CSMD1: variants seen among roughly 807,000 people sequenced by gnomAD.
CSMD1 encodes the protein CUB and Sushi multiple domains 1, also known as CUB and sushi domain-containing protein 1.
Under a neutral mutation model 417.5 loss-of-function variants are expected in CSMD1, and 213 were observed. That is an observed-to-expected ratio of 0.51 (90% CI 0.46 to 0.57). CSMD1 has a LOEUF of 0.57. Ranked by LOEUF, CSMD1 falls within the 20% of genes least tolerant of loss-of-function variation. The pLI is 0.00. For synonymous variants in CSMD1, 2,862 were observed against 1,736.8 expected, an observed-to-expected ratio of 1.65 and a Z score of -16.11; for missense variants, 6,923 against 4,529.7, an observed-to-expected ratio of 1.53 and a Z score of -15.17.
intron 12 of CSMD1, among the ~76,000 whole-genome samples, chr8:3,439,305 A>ATTT (rs1254998951): frequency 2.4e-5 from 1 of 41,200 alleles, no homozygotes; most frequent in East Asian, 9.7e-4. Flanking sequence ...ATATATATAT[A>ATTT]TATATTTTTT....
At position 4,873,595 on chromosome 8, in the gene CSMD1, C is replaced by T. The variant is rs186896024; in HGVS notation, c.85+120737G>A. 2.8e-3 allele frequency among the ~76,000 whole-genome samples: 430 copies of T among 152,158 alleles called. 2 individuals are homozygous for T. Among genetic ancestry groups the T allele is most frequent in the Admixed American group, 4.8e-3 (74 of 15,290 alleles). Reference sequence around the variant, plus strand: ...TGACAAGAAACAATTCAACTTTTTTCAAGGCTAGAAATCTAATTAAGCAAT... The same window carrying T: ...TGACAAGAAACAATTCAACTTTTTTTAAGGCTAGAAATCTAATTAAGCAAT... On this transcript the variant is annotated intron_variant, in intron 1 of 69. Transcript: ENST00000635120.
chr8:4,217,706 T>G (rs1800767016), intron 3 of CSMD1, among the ~76,000 whole-genome samples: 1 of 152,104 alleles, frequency 6.6e-6, no homozygotes, highest in African/African-American at 2.4e-5. Context: ...ATTTAAAGTT[T>G]TAGGAAATAC....
intron 3 of CSMD1, among the ~76,000 whole-genome samples, chr8:4,192,778 ATT>A (rs1161473798): frequency 6.6e-6 from 1 of 152,104 alleles, no homozygotes; most frequent in Non-Finnish European, 1.5e-5. Flanking sequence ...AAGAATTTCC[ATT>A]TGTTTCAGGC....
chr8:3,777,205 T>C (rs973472315), intron 5 of CSMD1, among the ~76,000 whole-genome samples: 1 of 151,890 alleles, frequency 6.6e-6, no homozygotes, highest in Non-Finnish European at 1.5e-5. Context: ...ATATTATGTT[T>C]AAAATCTGCC....
intron 41 of CSMD1, among the ~76,000 whole-genome samples, chr8:3,119,384 TAA>T (rs34060531): frequency 3.2e-4 from 28 of 88,270 alleles, no homozygotes; most frequent in African/African-American, 9.8e-4. Flanking sequence ...AGTCTTTTTC[TAA>T]AAAAAAAAAA....
At chr8:3,996,110 A>G (rs1055431998) in intron 5 of CSMD1, among the ~76,000 whole-genome samples, 1 of 152,192 alleles carries the variant, frequency 6.6e-6, no homozygotes, top group South Asian at 2.1e-4. Flanking sequence ...ATTTTCTGAC[A>G]CAAACTAAGT....
chr8:4,375,961 C>T (rs754891937), intron 3 of CSMD1, among the ~76,000 whole-genome samples: 1 of 152,154 alleles, frequency 6.6e-6, no homozygotes, highest in African/African-American at 2.4e-5. Context: ...ACCTCCAGGC[C>T]TTGCCAATGC....
intron 12 of CSMD1, among the ~76,000 whole-genome samples, chr8:3,459,188 G>C (rs907072708): frequency 6.6e-6 from 1 of 152,238 alleles, no homozygotes; most frequent in Non-Finnish European, 1.5e-5. Flanking sequence ...GAAATTCAGT[G>C]ACTTGCTCTG....
intron 1 of CSMD1, among the ~76,000 whole-genome samples, chr8:4,678,316 C>T (rs569661051): frequency 6.6e-6 from 1 of 151,878 alleles, no homozygotes; most frequent in Non-Finnish European, 1.5e-5. Flanking sequence ...GAGGGTGAGG[C>T]ATGAGAATAA....
chr8:3,308,863 ACAGGTGCCTGCCACCATG>A (rs1163511190), intron 23 of CSMD1, among the ~76,000 whole-genome samples: 1 of 150,644 alleles, frequency 6.6e-6, no homozygotes, highest in East Asian at 2.0e-4. Flanking sequence ...AGCTGGGATT[ACAGGTGCCTGCCACCATG>A]TCCAGCTAAT....
intron 48 of CSMD1, among the ~76,000 whole-genome samples, chr8:3,090,213 A>T (rs912549792): frequency 2.1e-5 from 3 of 144,240 alleles, no homozygotes; most frequent in African/African-American, 7.6e-5. Context: ...GCTACTCGGG[A>T]GGCTGAGGCA....
intron 2 of CSMD1, among the ~76,000 whole-genome samples, chr8:4,454,422 G>T (rs1218108915): frequency 1.3e-5 from 2 of 152,052 alleles, no homozygotes; most frequent in Non-Finnish European, 2.9e-5. Flanking sequence ...ATCTTCTTTG[G>T]ATACCCTACC....
chr8:4,348,726 C>T (rs1179875505), intron 3 of CSMD1, among the ~76,000 whole-genome samples: 1 of 151,928 alleles, frequency 6.6e-6, no homozygotes, highest in African/African-American at 2.4e-5. Flanking sequence ...ATTTGATCTT[C>T]GTCTTTAGGA....
chr8:4,476,050 G>A (rs922888149), intron 2 of CSMD1, among the ~76,000 whole-genome samples: 1 of 151,642 alleles, frequency 6.6e-6, no homozygotes, highest in Non-Finnish European at 1.5e-5. Flanking sequence ...GAAAATTTCT[G>A]GTTAAGACAG....
intron 3 of CSMD1, among the ~76,000 whole-genome samples, chr8:4,064,404 A>G (rs1316350987): frequency 6.6e-6 from 1 of 152,180 alleles, no homozygotes; most frequent in East Asian, 1.9e-4. Context: ...AATGTTGAGA[A>G]GGTAGAGAAT....
At position 3,078,555 on chromosome 8, in the gene CSMD1, T is replaced by C. The variant is rs549423871; in HGVS notation, c.7474+8542A>G. On this transcript the variant is annotated intron_variant, in intron 49 of 69. Transcript: ENST00000635120. ...AATTTGATCCTGGGTTGGCAGACTA[T>C]GGCCTGTGGGTCGAAACCAGCCTGC... is the stretch of plus-strand genomic sequence containing the variant. Among the ~76,000 whole-genome samples the C allele has an allele frequency of 1.4e-3, 218 of 152,358 alleles. 1 individual carries two copies. Among genetic ancestry groups the C allele is most frequent in the Non-Finnish European group, 1.5e-3 (99 of 68,028 alleles).
At chr8:3,696,807 C>T (rs931540328) in intron 7 of CSMD1, among the ~76,000 whole-genome samples, 1 of 152,184 alleles carries the variant, frequency 6.6e-6, no homozygotes, top group Non-Finnish European at 1.5e-5. Context: ...TTCTTCTACT[C>T]TTTATCATTT....
At chr8:4,890,761 G>A (rs1004777037) in intron 1 of CSMD1, among the ~76,000 whole-genome samples, 4 of 152,050 alleles carry the variant, frequency 2.6e-5, no homozygotes, top group African/African-American at 7.2e-5. Context: ...AGTCATGGAA[G>A]AAAGCGCAAT....
At chr8:3,641,607 G>A (rs527714778) in intron 7 of CSMD1, among the ~76,000 whole-genome samples, 17 of 152,244 alleles carry the variant, frequency 1.1e-4, no homozygotes, top group African/African-American at 4.1e-4. Context: ...GTCTCAAGAG[G>A]TTATCACAAG....
Sources: allele counts gnomAD v4.1 joint callset (sites outside exome capture counted in the v4.1 genomes callset), GRCh38; gene constraint gnomAD v4.1.1; transcripts MANE v1.5; gene names NCBI Gene and HGNC (gene_info 2026-07-23, HGNC 2026-07-21).